Variants in ZNF506 observed in about 807,000 individuals in gnomAD.
ZNF506 encodes zinc finger protein 506.
Under a neutral mutation model 11.6 loss-of-function variants are expected in ZNF506, and 10 were observed. That is an observed-to-expected ratio of 0.86 (90% confidence interval 0.53 to 1.46). ZNF506 has a LOEUF of 1.46. Among genes scored for constraint, ZNF506 ranks in the 40% most tolerant of loss-of-function variants. ZNF506 has a pLI of 0.00. For missense variants in ZNF506, 425 were observed against 521.2 expected (o/e 0.82, Z 1.80); for synonymous variants, 156 against 173.3 (o/e 0.90, Z 0.78).
intron 1 of ZNF506, among the ~76,000 whole-genome samples, chr19:19,819,288 A>T (rs2062953431): frequency 6.6e-6 from 1 of 151,826 alleles, no homozygotes; most frequent in Non-Finnish European, 1.5e-5. Context: ...CAATACCAGC[A>T]TCTGATTGTC....
intron 3 of ZNF506, among the ~76,000 whole-genome samples, chr19:19,803,226 A>G (rs2062809348): frequency 6.6e-6 from 1 of 152,224 alleles, no homozygotes; most frequent in South Asian, 2.1e-4. Context: ...TCCCGGCCAC[A>G]GTCTGGCAGA....
intron 1 of ZNF506, 81 bp from the exon 2 acceptor site, chr19:19,807,149 TA>T (rs1377411427): frequency 6.3e-7 from 1 of 1,595,678 alleles, no homozygotes; most frequent in South Asian, 1.1e-5. Context: ...AATGAGAGAG[TA>T]AAGAGAAGTG....
chr19:19,799,290 G>A lies in ZNF506; in HGVS notation c.227-3630C>T, dbSNP rs187531785. The A allele has an allele frequency of 7.2e-4, 292 of 407,390 alleles. 3 individuals carry two copies. Among genetic ancestry groups the A allele is most frequent in the Admixed American group, 4.2e-3 (99 of 23,574 alleles). The allele number at this position is 407,390 out of a possible 1,614,324, so 25.2% of individuals were successfully genotyped here. A position where few individuals can be genotyped will look rare whatever the true frequency, so the allele number is the denominator to read the frequency against. On this transcript the variant is annotated intron_variant, in intron 3 of 3. Transcript: ENST00000540806. ...AGGATATTTCAATACCCCACTTTCT[G>A]TAATAATAATAAAACAAGACAGTAT...
At position 19,794,819 on chromosome 19, in the gene ZNF506, G is replaced by T. The variant is rs2062724740; in HGVS notation, c.1068C>A (p.Leu356=). ...CAGTATGAGCTCTCTTATGTTTAGA[G>T]AGGCTTGAGTACCAGGTAAAGGTTT... The part of the protein sequence containing the change: ...CGKTFTWYSS[L]SKHKRAHTGE... Residue 356 remains leucine (L), a synonymous_variant, in exon 4 of 4, where the codon CTC becomes CTA. Coordinates refer to ENST00000540806, the MANE Select transcript of ZNF506 (RefSeq NM_001099269.3). 6.2e-7 allele frequency: 1 copy of T among 1,611,832 alleles called. No homozygotes were observed. Among genetic ancestry groups the T allele is most frequent in the African/African-American group, 1.3e-5 (1 of 74,212 alleles).
chr19:19,794,905 G>A lies in ZNF506; in HGVS notation c.982C>T (p.Leu328Phe), dbSNP rs764743112. The change falls in exon 4 of 4, where the codon CTT becomes TTT. Residue 328 changes from leucine to phenylalanine, a missense_variant. Around this residue, in one of 3 missense-constraint regions of ZNF506, gnomAD observed 192 missense variants for 215.7 expected, o/e 0.89. Coordinates refer to ENST00000540806, the MANE Select transcript of ZNF506 (RefSeq NM_001099269.3). ...CGKAFNRSSN[L>F]TKHKRIHTGD... ...GTATGAATTCTCTTATGTTTAGTAA[G>A]GTTTGAGGAACGGTTAAAAGCTTTG... is the stretch of plus-strand genomic sequence containing the variant. 9.9e-6 allele frequency: 16 copies of A among 1,613,916 alleles called. 1 individual carries two copies. In the Admixed American group the frequency reaches 2.2e-4, roughly 22 times the overall value.
intron 1 of ZNF506, chr19:19,820,791 T>G (rs2062962455): frequency 6.6e-6 from 1 of 152,292 alleles, no homozygotes; most frequent in South Asian, 2.1e-4. Context: ...ATGTCTTTTC[T>G]TCAAGCCCCT....
In ZNF506 at chr19:19,800,391, A is replaced by AAT. The variant is rs3062863; in HGVS notation, c.227-4733_227-4732dup. Among the ~76,000 whole-genome samples, 260 of 139,236 alleles carry AAT rather than the reference A, an allele frequency of 1.9e-3. 3 individuals are homozygous for AAT. The highest frequency in any genetic ancestry group is 0.011 in the Middle Eastern group (3 of 272). 91.3% of individuals were successfully genotyped at this position (139,236 alleles called of 152,430 possible). On this transcript the variant is annotated intron_variant, in intron 3 of 3. Coordinates refer to ENST00000540806, the MANE Select transcript of ZNF506 (RefSeq NM_001099269.3). Reference sequence around the variant, plus strand: ...CAACATAATTAATATAACTAAACAGAATATATATATATATATATATATTTA... The same window carrying AAT: ...CAACATAATTAATATAACTAAACAGAATATATATATATATATATATATATTTA...
rs1341478451 is a variant in ZNF506, at chr19:19,797,920, G to C, written c.227-2260C>G. On this transcript the variant is annotated intron_variant, in intron 3 of 3. Transcript: ENST00000540806. ...CCAAAATTGTACTACCAAATAAAAA[G>C]AAGTCCTTCCAAAATAACCAAATCC... 3 of 152,282 alleles carry C rather than the reference G, an allele frequency of 2.0e-5. No homozygotes were observed. In the East Asian group the frequency reaches 5.8e-4, roughly 29 times the overall value. The allele number at this position is 152,282 out of a possible 1,614,324, so 9.4% of individuals were successfully genotyped here.
At chr19:19,796,971 A>AT (rs2062747339) in intron 3 of ZNF506, 1 of 152,096 alleles carries the variant, frequency 6.6e-6, no homozygotes, top group Non-Finnish European at 1.5e-5. Context: ...AAGACGATTG[A>AT]TTTTCAGACT....
At position 19,802,063 on chromosome 19, in the gene ZNF506, C is replaced by T. The variant is rs113402685; in HGVS notation, c.226+3968G>A. Among the ~76,000 whole-genome samples, 232 of 149,888 alleles carry T rather than the reference C, an allele frequency of 1.5e-3. 4 individuals carry two copies. The highest frequency in any genetic ancestry group is 5.6e-3 in the African/African-American group (222 of 39,732). On this transcript the variant is annotated intron_variant, in intron 3 of 3. Coordinates refer to ENST00000540806, the MANE Select transcript of ZNF506 (RefSeq NM_001099269.3). ...CTACTAAAAACAGAAAAATTAGCCG[C>T]GCATGGTGACACATGCCTGTAATTG...
intron 3 of ZNF506, among the ~76,000 whole-genome samples, chr19:19,800,139 T>C (rs1029419462): frequency 6.6e-6 from 1 of 151,922 alleles, no homozygotes; most frequent in African/African-American, 2.4e-5. Flanking sequence ...AAAGAAAATA[T>C]TCTAACAACT....
intron 1 of ZNF506, among the ~76,000 whole-genome samples, chr19:19,814,727 G>A (rs1156973493): frequency 6.6e-6 from 1 of 152,150 alleles, no homozygotes; most frequent in Admixed American, 6.5e-5. Flanking sequence ...CCCTGGGTGG[G>A]AGAGAGTGCA....
At chr19:19,819,871 G>C (rs1019129242) in intron 1 of ZNF506, among the ~76,000 whole-genome samples, 8 of 152,174 alleles carry the variant, frequency 5.3e-5, no homozygotes, top group African/African-American at 1.9e-4. Context: ...GGCTGAGACG[G>C]GCGGATCACG....
At chr19:19,815,909 T>A (rs554158346) in intron 1 of ZNF506, among the ~76,000 whole-genome samples, 2 of 152,182 alleles carry the variant, frequency 1.3e-5, no homozygotes, top group Admixed American at 1.3e-4. Flanking sequence ...AAAAGCCAAA[T>A]GGAAGAAATG....
At chr19:19,806,187 C>T in intron 2 of ZNF506, 61 bp from the exon 3 acceptor site, 1 of 1,236,860 alleles carries the variant, frequency 8.1e-7, no homozygotes, top group Non-Finnish European at 1.1e-6. Context: ...CAAGCTAGTA[C>T]TGTGCTCAGC....
intron 1 of ZNF506, among the ~76,000 whole-genome samples, chr19:19,807,879 C>G (rs1001622201): frequency 1.3e-5 from 2 of 151,998 alleles, no homozygotes; most frequent in Admixed American, 6.6e-5. Context: ...TTTTTTCAAA[C>G]ATTTAGTAAG....
rs750157974 is a variant in ZNF506, at chr19:19,795,481, ATTGT to A, written c.402_405del (p.Lys134AsnfsTer17). The A allele has an allele frequency of 6.3e-7, 1 of 1,595,346 alleles. No homozygotes were observed. Among genetic ancestry groups the A allele is most frequent in the Non-Finnish European group, 8.5e-7 (1 of 1,173,302 alleles). On this transcript the variant is annotated frameshift_variant, in exon 4 of 4. Transcript: ENST00000540806. LOFTEE classifies it low-confidence loss of function (END_TRUNC). ...ATTTTTCTCTGGGTAGTTGCCAAAC[ATTGT>A]TTAAGTCCATTATAACCTCTTTTGT...
intron 3 of ZNF506, chr19:19,796,405 A>AT: frequency 6.6e-6 from 1 of 150,446 alleles, no homozygotes; most frequent in African/African-American, 2.4e-5. Context: ...TTTTTATTTT[A>AT]TTTATTTATT....
rs2062714315 is a variant in ZNF506, at chr19:19,793,806, G to T, written c.*746C>A. 1 of 152,158 alleles carries T rather than the reference G, an allele frequency of 6.6e-6. No individual in the cohort carries two copies. The highest frequency in any genetic ancestry group is 1.5e-5 in the Non-Finnish European group (1 of 68,036). 9.4% of individuals were successfully genotyped at this position (152,158 alleles called of 1,614,324 possible). A position where few individuals can be genotyped will look rare whatever the true frequency, so the allele number is the denominator to read the frequency against. On this transcript the variant is annotated 3_prime_UTR_variant, in exon 4 of 4. Transcript: ENST00000540806. ...TTTTGCCACATTCTTCACACTTGTA[G>T]GAGTTTTGGCAGCATTAATTCTCTT...
Sources: allele counts gnomAD v4.1 joint callset (sites outside exome capture counted in the v4.1 genomes callset), GRCh38; gene constraint gnomAD v4.1.1; regional missense constraint gnomAD v4.1.1; transcripts MANE v1.5; gene names NCBI Gene and HGNC (gene_info 2026-07-23, HGNC 2026-07-21).